The following NALF1 variants were observed in gnomAD, a reference collection of about 807,000 sequenced individuals.
NALF1 encodes NALCN channel auxiliary factor 1, also known as family with sequence similarity 155 member A.
In NALF1, 3 loss-of-function variants were observed where a neutral mutation model predicts 48.4. The ratio of observed to expected loss-of-function variants is 0.06; its 90% CI spans 0.03 to 0.16. The LOEUF is 0.16. Ranked by LOEUF, NALF1 falls within the 10% of genes least tolerant of loss-of-function variation. The probability of loss-of-function intolerance (pLI) is 1.00; values close to 1 mark genes in which losing one functional copy is unlikely to be tolerated. For missense variants in NALF1, 526 were observed against 571.5 expected (o/e 0.92, Z 0.81); for synonymous variants, 262 against 245.7 (o/e 1.07, Z -0.62).
chr13:107,722,992 C>A (rs769456305), intron 1 of NALF1, among the ~76,000 whole-genome samples: 2 of 152,150 alleles, frequency 1.3e-5, no homozygotes, highest in East Asian at 1.9e-4. Context: ...GAATTTTCCA[C>A]GTATTTATCA....
At chr13:107,548,805 T>A (rs1277704006) in intron 1 of NALF1, among the ~76,000 whole-genome samples, 1 of 151,866 alleles carries the variant, frequency 6.6e-6, no homozygotes, top group Non-Finnish European at 1.5e-5. Context: ...TATCTAGCCA[T>A]ACACACACAC....
chr13:107,759,911 T>C (rs1324394170), intron 1 of NALF1, among the ~76,000 whole-genome samples: 1 of 152,146 alleles, frequency 6.6e-6, no homozygotes, highest in African/African-American at 2.4e-5. Flanking sequence ...ACCTTGTTCT[T>C]CAGGGTACGT....
chr13:107,315,881 T>A (rs1423961066), intron 1 of NALF1, among the ~76,000 whole-genome samples: 3 of 148,934 alleles, frequency 2.0e-5, no homozygotes, highest in African/African-American at 7.4e-5. Flanking sequence ...ATCTTATTTT[T>A]TATAGATATA....
intron 1 of NALF1, among the ~76,000 whole-genome samples, chr13:107,441,374 GAGGATCATTAC>G (rs1177819298): frequency 3.4e-4 from 52 of 152,346 alleles, no homozygotes; most frequent in African/African-American, 1.3e-3. Flanking sequence ...AAGGCAACGT[GAGGATCATTAC>G]AGTATAAAAT....
chr13:107,459,813 T>C (rs1884888292), intron 1 of NALF1, among the ~76,000 whole-genome samples: 1 of 152,144 alleles, frequency 6.6e-6, no homozygotes, highest in African/African-American at 2.4e-5. Context: ...TGATCTCCAC[T>C]CACTGCAGCC....
intron 1 of NALF1, among the ~76,000 whole-genome samples, chr13:107,491,760 T>G (rs1281228312): frequency 6.6e-6 from 1 of 152,122 alleles, no homozygotes; most frequent in African/African-American, 2.4e-5. Context: ...ATTCCATAAG[T>G]CGTTAGTAAA....
chr13:107,550,973 T>G (rs140638283), intron 1 of NALF1, among the ~76,000 whole-genome samples: 1 of 152,270 alleles, frequency 6.6e-6, no homozygotes, highest in Non-Finnish European at 1.5e-5. Flanking sequence ...TATGTTGTTC[T>G]TCCTGTATAA....
At chr13:107,221,113 A>G (rs1344961277) in intron 1 of NALF1, among the ~76,000 whole-genome samples, 2 of 152,138 alleles carry the variant, frequency 1.3e-5, no homozygotes, top group South Asian at 2.1e-4. Context: ...TACAACAGAC[A>G]GTGGAGACTC....
chr13:107,337,637 T>C (rs1193776082), intron 1 of NALF1, among the ~76,000 whole-genome samples: 5 of 152,134 alleles, frequency 3.3e-5, no homozygotes, highest in Admixed American at 2.0e-4. Context: ...GAGGCCATTA[T>C]TGTATAATTT....
In NALF1 at chr13:107,356,845, TGC is replaced by T. The variant is rs1300317652; in HGVS notation, c.916-146092_916-146091del. Among the ~76,000 whole-genome samples, 3 of 152,340 alleles carry T rather than the reference TGC, an allele frequency of 2.0e-5. No individual in the cohort carries two copies. In the East Asian group the frequency reaches 5.8e-4, roughly 29 times the overall value. On this transcript the variant is annotated intron_variant, in intron 1 of 2. Coordinates refer to ENST00000375915, the MANE Select transcript of NALF1 (RefSeq NM_001080396.3). Reference sequence around the variant, plus strand: ...CAGGACCAACACATTTCAAAACAATTGCCTAACTCACTATGAGAAATGTAGTT... The same window carrying T: ...CAGGACCAACACATTTCAAAACAATTCTAACTCACTATGAGAAATGTAGTT...
intron 1 of NALF1, among the ~76,000 whole-genome samples, chr13:107,563,756 T>G (rs535622903): frequency 6.6e-6 from 1 of 152,344 alleles, no homozygotes; most frequent in East Asian, 1.9e-4. Context: ...CAGCACCAGC[T>G]GTTATGTAAT....
intron 1 of NALF1, among the ~76,000 whole-genome samples, chr13:107,739,986 A>G (rs1322985578): frequency 6.6e-6 from 1 of 152,174 alleles, no homozygotes; most frequent in African/African-American, 2.4e-5. Flanking sequence ...CAGGGCTTGC[A>G]CTGATTCTAC....
At chr13:107,731,226 G>A (rs1324540984) in intron 1 of NALF1, among the ~76,000 whole-genome samples, 1 of 152,058 alleles carries the variant, frequency 6.6e-6, no homozygotes, top group East Asian at 1.9e-4. Flanking sequence ...ACAAAGAGAT[G>A]ATTAAAATGG....
At chr13:107,737,552 T>C (rs912246687) in intron 1 of NALF1, among the ~76,000 whole-genome samples, 5 of 152,222 alleles carry the variant, frequency 3.3e-5, no homozygotes, top group Non-Finnish European at 7.3e-5. Flanking sequence ...TATTTTTTAC[T>C]TTATAATCAT....
chr13:107,391,762 C>A (rs1883631443), intron 1 of NALF1, among the ~76,000 whole-genome samples: 1 of 152,112 alleles, frequency 6.6e-6, no homozygotes, highest in African/African-American at 2.4e-5. Flanking sequence ...CCGCCCTGCC[C>A]CCGCTTTGAG....
At chr13:107,381,905 C>T (rs1389289057) in intron 1 of NALF1, among the ~76,000 whole-genome samples, 3 of 152,220 alleles carry the variant, frequency 2.0e-5, no homozygotes. Context: ...CCACCTGCCA[C>T]TACTGGCTGC....
intron 1 of NALF1, among the ~76,000 whole-genome samples, chr13:107,228,249 A>G (rs9514633): frequency 0.035 from 5,404 of 152,346 alleles, 116 homozygotes; most frequent in African/African-American, 0.045. Flanking sequence ...TTCTACTGAC[A>G]TAGTCATCTT....
intron 1 of NALF1, among the ~76,000 whole-genome samples, chr13:107,704,561 T>G (rs34861227): frequency 0.16 from 24,208 of 151,988 alleles, 2,006 homozygotes; most frequent in African/African-American, 0.21. Context: ...AATGCAATAG[T>G]GTTTATTTTG....
intron 1 of NALF1, among the ~76,000 whole-genome samples, chr13:107,691,393 T>A (rs1350544697): frequency 1.3e-5 from 2 of 152,224 alleles, no homozygotes; most frequent in Non-Finnish European, 2.9e-5. Flanking sequence ...AGGAAACTGA[T>A]AAAGTATCCC....
Sources: gnomAD v4.1 joint callset for allele counts (sites outside exome capture counted in the v4.1 genomes callset) on GRCh38, gnomAD v4.1.1 for gene constraint, MANE v1.5 for transcripts, NCBI Gene and HGNC (gene_info 2026-07-23, HGNC 2026-07-21) for gene names.